ATRNL1: variants seen among roughly 807,000 people sequenced by gnomAD.
ATRNL1 encodes attractin-like protein 1.
Under a neutral mutation model 182.7 loss-of-function variants are expected in ATRNL1, and 95 were observed. The ratio of observed to expected loss-of-function variants is 0.52; its 90% CI spans 0.44 to 0.62. ATRNL1 has a LOEUF of 0.62. ATRNL1 is among the 20% of genes least tolerant of loss of function. The pLI is 0.00. For missense variants in ATRNL1, 1,471 were observed against 1,679.5 expected (o/e 0.88, Z 2.17); for synonymous variants, 576 against 568.3 (o/e 1.01, Z -0.19).
intron 19 of ATRNL1, among the ~76,000 whole-genome samples, chr10:115,386,336 C>T (rs1554952628): frequency 1.3e-5 from 2 of 152,152 alleles, no homozygotes; most frequent in Non-Finnish European, 2.9e-5. Flanking sequence ...CGGCAGCGCT[C>T]CTTTCACGGG....
chr10:115,181,635 T>C (rs1847749026), intron 8 of ATRNL1, among the ~76,000 whole-genome samples: 1 of 151,712 alleles, frequency 6.6e-6, no homozygotes, highest in African/African-American at 2.4e-5. Context: ...TAGGAACTAA[T>C]TCATTACTTA....
chr10:115,480,412 T>C (rs1848714253), intron 24 of ATRNL1, among the ~76,000 whole-genome samples: 1 of 151,240 alleles, frequency 6.6e-6, no homozygotes, highest in African/African-American at 2.4e-5. Context: ...TAAATTGTTA[T>C]ATGCTTGAAG....
intron 1 of ATRNL1, among the ~76,000 whole-genome samples, chr10:115,109,830 C>T (rs139847354): frequency 1.3e-5 from 2 of 152,300 alleles, no homozygotes; most frequent in South Asian, 2.1e-4. Context: ...TACTGAGTTA[C>T]AATTTGCACC....
chr10:115,789,249 A>C (rs1555081121), intron 27 of ATRNL1, among the ~76,000 whole-genome samples: 1 of 152,194 alleles, frequency 6.6e-6, no homozygotes, highest in Non-Finnish European at 1.5e-5. Context: ...CATGTAAATG[A>C]GAAAGGGTAG....
rs188795752 is a variant in ATRNL1, at chr10:115,323,575, G to A, written c.3037+7839G>A. ...TTCTCCTGCCTCAGCCTCCTGAGTA[G>A]CTGGGATTACAGGCATGTGCCACCA... On this transcript the variant is annotated intron_variant, in intron 18 of 28. Transcript: ENST00000355044. 1.3e-5 allele frequency among the ~76,000 whole-genome samples: 2 copies of A among 151,550 alleles called. 1 individual carries two copies. The highest frequency in any genetic ancestry group is 4.2e-4 in the South Asian group (2 of 4,790).
intron 27 of ATRNL1, among the ~76,000 whole-genome samples, chr10:115,754,733 G>A (rs1948540619): frequency 6.6e-6 from 1 of 152,076 alleles, no homozygotes; most frequent in South Asian, 2.1e-4. Flanking sequence ...GATGGGGATG[G>A]CATTGAATCT....
chr10:115,940,586 C>G (rs1589721267), intron 28 of ATRNL1, among the ~76,000 whole-genome samples: 3 of 152,206 alleles, frequency 2.0e-5, no homozygotes, highest in Non-Finnish European at 4.4e-5. Flanking sequence ...TTTAAAAAAG[C>G]TATTGACTTG....
chr10:115,179,889 A>G (rs1847681553), intron 8 of ATRNL1, among the ~76,000 whole-genome samples: 1 of 152,126 alleles, frequency 6.6e-6, no homozygotes, highest in African/African-American at 2.4e-5. Context: ...TATATTTATC[A>G]TCTTTCAAGA....
intron 22 of ATRNL1, among the ~76,000 whole-genome samples, chr10:115,462,902 C>T (rs1251562053): frequency 5.3e-5 from 8 of 151,952 alleles, no homozygotes; most frequent in African/African-American, 1.9e-4. Flanking sequence ...ATTTTGCTAT[C>T]CATCTGAGAC....
chr10:115,905,314 A>G (rs1555114306), intron 28 of ATRNL1, among the ~76,000 whole-genome samples: 1 of 151,998 alleles, frequency 6.6e-6, no homozygotes, highest in East Asian at 1.9e-4. Context: ...TCAACCTGCC[A>G]GGCTCAAGCG....
chr10:115,505,990 G>A (rs1363544072), intron 24 of ATRNL1, among the ~76,000 whole-genome samples: 2 of 151,724 alleles, frequency 1.3e-5, no homozygotes, highest in Admixed American at 6.6e-5. Flanking sequence ...CTTAGCTGTT[G>A]AACTCCAGCA....
chr10:115,919,115 C>T (rs1159179204), intron 28 of ATRNL1, among the ~76,000 whole-genome samples: 6 of 152,126 alleles, frequency 3.9e-5, no homozygotes, highest in Admixed American at 3.9e-4. Context: ...AGTTGGGAAC[C>T]AGCATTGCCC....
At chr10:115,531,836 A>T (rs28831795) in intron 25 of ATRNL1, among the ~76,000 whole-genome samples, 4 of 135,136 alleles carry the variant, frequency 3.0e-5, no homozygotes, top group African/African-American at 5.0e-5. Context: ...CAGTTTCAGC[A>T]TTCTACGTAT....
intron 19 of ATRNL1, among the ~76,000 whole-genome samples, chr10:115,365,211 C>G (rs1158632937): frequency 6.6e-6 from 1 of 152,166 alleles, no homozygotes; most frequent in Non-Finnish European, 1.5e-5. Context: ...CGTTATTGGT[C>G]TATTCAGAGA....
At chr10:115,808,738 T>G (rs1949978681) in intron 27 of ATRNL1, among the ~76,000 whole-genome samples, 1 of 152,140 alleles carries the variant, frequency 6.6e-6, no homozygotes, top group Non-Finnish European at 1.5e-5. Flanking sequence ...TACCTTATGG[T>G]GATTTGTTTT....
At chr10:115,815,944 C>T (rs528249602) in intron 27 of ATRNL1, among the ~76,000 whole-genome samples, 2 of 152,212 alleles carry the variant, frequency 1.3e-5, no homozygotes, top group Admixed American at 6.5e-5. Flanking sequence ...TTTCATAAAC[C>T]TTCAGTATTG....
intron 9 of ATRNL1, among the ~76,000 whole-genome samples, chr10:115,238,076 A>G (rs1431759555): frequency 2.0e-5 from 3 of 152,064 alleles, no homozygotes; most frequent in Admixed American, 6.6e-5. Flanking sequence ...TGAGCTCTCT[A>G]TTCTGTTTCC....
intron 24 of ATRNL1, among the ~76,000 whole-genome samples, chr10:115,480,253 G>C (rs112423243): frequency 8.0e-5 from 12 of 149,136 alleles, no homozygotes; most frequent in African/African-American, 3.0e-4. Flanking sequence ...AAAACTACTG[G>C]TTAAGTAGAT....
At chr10:115,634,915 A>G (rs532055391) in intron 26 of ATRNL1, among the ~76,000 whole-genome samples, 3 of 152,236 alleles carry the variant, frequency 2.0e-5, no homozygotes, top group Non-Finnish European at 4.4e-5. Context: ...ATCCATGAGA[A>G]CAAAAGGGCC....
Sources: gnomAD v4.1 joint callset for allele counts (sites outside exome capture counted in the v4.1 genomes callset) on GRCh38, gnomAD v4.1.1 for gene constraint, MANE v1.5 for transcripts, NCBI Gene and HGNC (gene_info 2026-07-23, HGNC 2026-07-21) for gene names.